NCOA7: variants seen among roughly 807,000 people sequenced by gnomAD.
NCOA7 encodes 140 kDa estrogen receptor-associated protein.
In NCOA7, 45 loss-of-function variants were observed where a neutral mutation model predicts 104.3. The observed-to-expected ratio is 0.43, with a 90% CI of 0.34 to 0.55. The LOEUF is 0.55. NCOA7 is among the 20% of genes least tolerant of loss of function. The pLI is 0.02. For synonymous variants in NCOA7, 398 were observed against 402.3 expected, an observed-to-expected ratio of 0.99 and a Z score of 0.13; for missense variants, 1,041 against 1,119.7, an observed-to-expected ratio of 0.93 and a Z score of 1.00.
At chr6:125,923,565 A>G (rs1277842762) in intron 13 of NCOA7, among the ~76,000 whole-genome samples, 2 of 152,152 alleles carry the variant, frequency 1.3e-5, no homozygotes, top group African/African-American at 2.4e-5. Flanking sequence ...ACATCTGCTC[A>G]TTGCTCATTT....
intron 7 of NCOA7, 36 bp downstream of exon 7, chr6:125,882,587 A>G (rs1379233470): frequency 6.3e-7 from 1 of 1,599,320 alleles, no homozygotes; most frequent in Non-Finnish European, 8.5e-7. Context: ...TTTCCTTGAA[A>G]TCTATGAAAA....
At chr6:125,883,444 A>T (rs1432946213) in intron 7 of NCOA7, among the ~76,000 whole-genome samples, 1 of 152,136 alleles carries the variant, frequency 6.6e-6, no homozygotes, top group Non-Finnish European at 1.5e-5. Flanking sequence ...TAGTTGTGCA[A>T]CCATCACCAC....
intron 1 of NCOA7, among the ~76,000 whole-genome samples, chr6:125,796,441 T>C (rs1049154648): frequency 6.8e-6 from 1 of 147,682 alleles, no homozygotes; most frequent in Non-Finnish European, 1.5e-5. Context: ...CTAAGGATGC[T>C]CAGGTTTCTG....
Position 125,815,457 on chromosome 6 carries a change from G to A in NCOA7, c.50+53G>A, listed in dbSNP as rs949850752. Reference sequence around the variant, plus strand: ...TCAGTACTTTAAAGAAATATTTGAGGGGACTTTGTCCTCAAGTATTACTTC... The same window carrying A: ...TCAGTACTTTAAAGAAATATTTGAGAGGACTTTGTCCTCAAGTATTACTTC... On this transcript the variant is annotated intron_variant, in intron 2 of 15. Coordinates refer to ENST00000392477, the MANE Select transcript of NCOA7 (RefSeq NM_181782.5). 4.8e-6 allele frequency: 7 copies of A among 1,463,760 alleles called. No homozygotes were observed. In the Admixed American group the frequency reaches 7.2e-5, roughly 15 times the overall value. 90.7% of individuals were successfully genotyped at this position (1,463,760 alleles called of 1,614,324 possible).
At chr6:125,879,174 T>C (rs117859073) in intron 5 of NCOA7, among the ~76,000 whole-genome samples, 2,910 of 152,332 alleles carry the variant, frequency 0.019, 46 homozygotes, top group Middle Eastern at 0.034. Flanking sequence ...AATTGCTTTT[T>C]ACAGAACTCT....
intron 11 of NCOA7, 116 bp downstream of exon 11, chr6:125,915,596 A>G (rs1420683937): frequency 3.2e-6 from 4 of 1,257,436 alleles, no homozygotes; most frequent in Non-Finnish European, 4.4e-6. Context: ...CACCTATGAA[A>G]TTACAGAGGA....
chr6:125,816,840 C>T (rs568376577), intron 2 of NCOA7, among the ~76,000 whole-genome samples: 4 of 152,278 alleles, frequency 2.6e-5, no homozygotes, highest in African/African-American at 9.6e-5. Context: ...AGTTATATCA[C>T]ATGTAGATTT....
chr6:125,858,591 A>C (rs1446086832), intron 3 of NCOA7, among the ~76,000 whole-genome samples: 3 of 151,670 alleles, frequency 2.0e-5, no homozygotes, highest in Non-Finnish European at 4.4e-5. Flanking sequence ...AATCTACTGC[A>C]CTCCAGACTG....
chr6:125,927,870 C>T (rs999955263), intron 14 of NCOA7, 112 bp downstream of exon 14: 13 of 918,482 alleles, frequency 1.4e-5, no homozygotes, highest in Middle Eastern at 2.4e-4. Flanking sequence ...GAACTGACTC[C>T]GGGCTGGGTC....
At chr6:125,824,940 G>A (rs1473477859) in intron 2 of NCOA7, among the ~76,000 whole-genome samples, 2 of 152,082 alleles carry the variant, frequency 1.3e-5, no homozygotes, top group Non-Finnish European at 2.9e-5. Flanking sequence ...ATAGGCAGAA[G>A]CAGGAGATTC....
intron 3 of NCOA7, among the ~76,000 whole-genome samples, chr6:125,868,966 C>A (rs752535980): frequency 5.9e-5 from 9 of 152,180 alleles, no homozygotes; most frequent in Non-Finnish European, 1.3e-4. Context: ...AAGCCCCATG[C>A]AGAACTGGTC....
At chr6:125,882,802 A>T (rs1166939618) in intron 7 of NCOA7, among the ~76,000 whole-genome samples, 1 of 152,166 alleles carries the variant, frequency 6.6e-6, no homozygotes, top group Admixed American at 6.5e-5. Context: ...GTTTGGGCCT[A>T]TGAATTGTTA....
intron 2 of NCOA7, among the ~76,000 whole-genome samples, chr6:125,840,098 G>A (rs960366944): frequency 2.4e-4 from 37 of 152,072 alleles, no homozygotes; most frequent in African/African-American, 8.7e-4. Flanking sequence ...GGGACAGGAT[G>A]TGGAGGTGGA....
In NCOA7 at chr6:125,889,190, A is replaced by G; in HGVS notation, c.1136A>G (p.Glu379Gly). ...TTAAAGAAACTGGACTCCTCTAGGG[A>G]GACATCCCATGGTTCTCCCACAGTG... ...EKLKKLDSSR[E>G]TSHGSPTVTK... Residue 379 changes from glutamate to glycine, a missense_variant, in exon 9 of 16, where the codon GAG becomes GGG. By Grantham distance (98) the Glu-to-Gly change is moderately conservative (BLOSUM62 -2). Around this residue, in one of 2 missense-constraint regions of NCOA7, gnomAD observed 914 missense variants for 942.7 expected, o/e 0.97. Transcript: ENST00000392477. 1 of 1,613,948 alleles carries G rather than the reference A, an allele frequency of 6.2e-7. No homozygotes were observed. Among genetic ancestry groups the G allele is most frequent in the Non-Finnish European group, 8.5e-7 (1 of 1,179,964 alleles).
intron 2 of NCOA7, among the ~76,000 whole-genome samples, chr6:125,824,987 G>C (rs1041967807): frequency 6.6e-6 from 1 of 152,050 alleles, no homozygotes; most frequent in Non-Finnish European, 1.5e-5. Context: ...AGGGAGTCGA[G>C]ATCAAGCCAT....
intron 2 of NCOA7, among the ~76,000 whole-genome samples, chr6:125,837,989 G>A (rs147883508): frequency 9.2e-5 from 14 of 152,250 alleles, no homozygotes; most frequent in African/African-American, 2.9e-4. Context: ...TAGAGCACAC[G>A]CCAGTCCCTT....
At chr6:125,839,816 C>T (rs1779968410) in intron 2 of NCOA7, among the ~76,000 whole-genome samples, 1 of 152,080 alleles carries the variant, frequency 6.6e-6, no homozygotes, top group Non-Finnish European at 1.5e-5. Flanking sequence ...CTGGTGTAAA[C>T]AAACCCACTG....
At chr6:125,827,058 G>A (rs570342486) in intron 2 of NCOA7, among the ~76,000 whole-genome samples, 33 of 152,024 alleles carry the variant, frequency 2.2e-4, no homozygotes, top group African/African-American at 5.6e-4. Context: ...TTAGCTGGGC[G>A]TAGTGGCGCA....
intron 3 of NCOA7, among the ~76,000 whole-genome samples, chr6:125,873,695 A>G (rs1783119641): frequency 6.6e-6 from 1 of 152,204 alleles, no homozygotes; most frequent in South Asian, 2.1e-4. Context: ...CATATGAGCT[A>G]TATATACTTA....
Sources: gnomAD v4.1 joint callset for allele counts (sites outside exome capture counted in the v4.1 genomes callset) on GRCh38, gnomAD v4.1.1 for gene constraint, gnomAD v4.1.1 regional missense constraint, MANE v1.5 for transcripts, NCBI Gene and HGNC (gene_info 2026-07-23, HGNC 2026-07-21) for gene names.